Variants in FBH1 observed in about 807,000 individuals in gnomAD.
FBH1 encodes F-box DNA helicase 1, also known as DNA 3'-5' helicase 1.
FBH1 carries 43 observed loss-of-function variants against 115.5 expected under a neutral mutation model. The ratio of observed to expected loss-of-function variants is 0.37; its 90% CI spans 0.29 to 0.48. FBH1 has a LOEUF of 0.48. Among genes scored for constraint, FBH1 ranks in the 20% least tolerant of loss-of-function variants. The pLI is 0.99. For missense variants in FBH1, 1,001 were observed against 1,337.3 expected, an observed-to-expected ratio of 0.75 and a Z score of 3.92; for synonymous variants, 524 against 507.8, an observed-to-expected ratio of 1.03 and a Z score of -0.43.
chr10:5,908,278 GTA>G (rs1287732438), intron 3 of FBH1, among the ~76,000 whole-genome samples: 1 of 152,130 alleles, frequency 6.6e-6, no homozygotes, highest in Non-Finnish European at 1.5e-5. Context: ...TCTTATAACA[GTA>G]TTTAACAGAC....
intron 19 of FBH1, among the ~76,000 whole-genome samples, chr10:5,930,358 T>C (rs1165481122): frequency 2.0e-5 from 3 of 152,242 alleles, no homozygotes; most frequent in South Asian, 4.1e-4. Context: ...ACTCCCTCCC[T>C]GCTTTTCCCA....
At chr10:5,902,168 C>G (rs1231948419) in intron 1 of FBH1, among the ~76,000 whole-genome samples, 1 of 152,008 alleles carries the variant, frequency 6.6e-6, no homozygotes, top group African/African-American at 2.4e-5. Flanking sequence ...TCGCTCCTGT[C>G]CTTTCAAGTC....
intron 1 of FBH1, among the ~76,000 whole-genome samples, chr10:5,896,661 A>C (rs2131840699): frequency 6.6e-6 from 1 of 152,238 alleles, no homozygotes; most frequent in African/African-American, 2.4e-5. Flanking sequence ...CAATTTCAAC[A>C]ACTCTGGGGG....
chr10:5,915,522 G>A lies in FBH1; in HGVS notation c.1516G>A (p.Val506Ile), dbSNP rs1391716724. The A allele has an allele frequency of 1.2e-6, 2 of 1,614,214 alleles. No individual in the cohort carries two copies. Among genetic ancestry groups the A allele is most frequent in the Non-Finnish European group, 1.7e-6 (2 of 1,180,032 alleles). Reference protein sequence around the residue: ...KQAERVFPSNVICKTFHSMAY... With the variant: ...KQAERVFPSNIICKTFHSMAY... ...GGCCGAACGCGTCTTCCCCAGCAAC[G>A]TCATCTGCAAAACCTTCCACTCCAT... The change falls in exon 9 of 21, where the codon GTC (valine) becomes ATC (isoleucine). Residue 506 changes from valine (V) to isoleucine (I), a missense_variant. Val to Ile is a conservative substitution (Grantham distance 29). Transcript: ENST00000362091. The surrounding 1 kb of genome is among the most constrained non-coding windows in gnomAD (Gnocchi z 5.2).
chr10:5,908,485 C>T (rs1041782244), intron 3 of FBH1, among the ~76,000 whole-genome samples: 1 of 152,172 alleles, frequency 6.6e-6, no homozygotes, highest in African/African-American at 2.4e-5. Context: ...TCCTAGTTTC[C>T]AACAAAAATT....
intron 1 of FBH1, among the ~76,000 whole-genome samples, chr10:5,893,596 C>A (rs1842854697): frequency 6.6e-6 from 1 of 152,230 alleles, no homozygotes; most frequent in Non-Finnish European, 1.5e-5. Flanking sequence ...ATGATTCTTT[C>A]AAGACTCAAC....
rs1831902230 is a variant in FBH1 at position 5,915,961 on chromosome 10, G to A, written c.1566-273G>A. The A allele has an allele frequency of 2.0e-6, 1 of 500,808 alleles. No individual in the cohort carries two copies. Among genetic ancestry groups the A allele is most frequent in the African/African-American group, 1.9e-5 (1 of 52,056 alleles). The allele number at this position is 500,808 out of a possible 1,614,324, so 31.0% of individuals were successfully genotyped here. A position where few individuals can be genotyped will look rare whatever the true frequency, so the allele number is the denominator to read the frequency against. On this transcript the variant is annotated intron_variant, in intron 9 of 20. Transcript: ENST00000362091. This position sits in a 1 kb window ranked among gnomAD's most constrained non-coding sequence, Gnocchi z 5.2. ...GTAGAGGCATCAGGGAACTCCAAGG[G>A]TCCCTCCGGGGACCTTCTGGAGCCC... is the stretch of plus-strand genomic sequence containing the variant.
chr10:5,891,646 G>A (rs1269454477), intron 1 of FBH1, among the ~76,000 whole-genome samples: 1 of 152,232 alleles, frequency 6.6e-6, no homozygotes, highest in South Asian at 2.1e-4. Context: ...GTCTCGCTCT[G>A]TTGCTCCGGG....
In FBH1 at chr10:5,909,178, T is replaced by G. The variant is rs771828870; in HGVS notation, c.904T>G (p.Cys302Gly). Reference protein sequence around the residue: ...NLIRYTATTKCSPSVDPERVL... With the variant: ...NLIRYTATTKGSPSVDPERVL... Reference sequence around the variant, plus strand: ...TTACAGATACACAGCCACCACTAAGTGCTCTCCGAGTGTGGATCCCGAGAG... The same window carrying G: ...TTACAGATACACAGCCACCACTAAGGGCTCTCCGAGTGTGGATCCCGAGAG... Residue 302 changes from cysteine (C) to glycine (G), a missense_variant, in exon 5 of 21, where the codon TGC becomes GGC. Cys to Gly is a radical substitution (Grantham distance 159). Around this residue, in one of 4 missense-constraint regions of FBH1, gnomAD observed 420 missense variants for 430.4 expected, o/e 0.98. Coordinates refer to ENST00000362091, the MANE Select transcript of FBH1 (RefSeq NM_178150.3). The surrounding 1 kb of genome is among the most constrained non-coding windows in gnomAD (Gnocchi z 4.4). The G allele has an allele frequency of 6.2e-7, 1 of 1,613,638 alleles. No homozygotes were observed. The highest frequency in any genetic ancestry group is 8.5e-7 in the Non-Finnish European group (1 of 1,180,028).
In FBH1 at chr10:5,895,112, G is replaced by A. The variant is rs1842937590; in HGVS notation, c.1+4766G>A. 1 of 1,614,034 alleles carries A rather than the reference G, an allele frequency of 6.2e-7. No homozygotes were observed. Among genetic ancestry groups the A allele is most frequent in the Non-Finnish European group, 8.5e-7 (1 of 1,179,966 alleles). On this transcript the variant is annotated intron_variant, in intron 1 of 20. Coordinates refer to ENST00000362091, the MANE Select transcript of FBH1 (RefSeq NM_178150.3). The surrounding 1 kb of genome is among the most constrained non-coding windows in gnomAD (Gnocchi z 5.0). The stretch of plus-strand genomic sequence containing the variant: ...ATGTGATAATGGGCTACATTGCGCA[G>A]GGCCCCTGGGCCATCTCCACAGGAG...
chr10:5,925,485 CAG>C lies in FBH1; in HGVS notation c.2718_2719del (p.Arg906SerfsTer2). 3.1e-6 allele frequency: 5 copies of C among 1,613,944 alleles called. No individual in the cohort carries two copies. Among genetic ancestry groups the C allele is most frequent in the Non-Finnish European group, 4.2e-6 (5 of 1,180,034 alleles). ...ATAACCTGCCCCAGCTTCCGCACTT[CAG>C]AGTTGGTAAGAGGCCGCCGGGTAGT... ...RHNLPQLPHF[R>X]VESFSEDEWN... On this transcript the variant is annotated frameshift_variant, in exon 18 of 21. Coordinates refer to ENST00000362091, the MANE Select transcript of FBH1 (RefSeq NM_178150.3). LOFTEE classifies it high-confidence loss of function. This position sits in a 1 kb window ranked among gnomAD's most constrained non-coding sequence, Gnocchi z 4.6.
At position 5,923,565 on chromosome 10, in the gene FBH1, C is replaced by T; in HGVS notation, c.2323-56C>T. ...TTTGTTTTGTTAAAGCAACAACAAA[C>T]AAAACAAAACAAAAAACAACAAAAA... On this transcript the variant is annotated intron_variant, in intron 15 of 20. Transcript: ENST00000362091. The surrounding 1 kb of genome is among the most constrained non-coding windows in gnomAD (Gnocchi z 5.7). 3 of 1,452,328 alleles carry T rather than the reference C, an allele frequency of 2.1e-6. No homozygotes were observed. Among genetic ancestry groups the T allele is most frequent in the Non-Finnish European group, 2.9e-6 (3 of 1,044,728 alleles). 90.0% of individuals were successfully genotyped at this position (1,452,328 alleles called of 1,614,324 possible). A position where few individuals can be genotyped will look rare whatever the true frequency, so the allele number is the denominator to read the frequency against.
Position 5,915,051 on chromosome 10 carries a change from C to A in FBH1, c.1397-352C>A, listed in dbSNP as rs189357932. On this transcript the variant is annotated intron_variant, in intron 8 of 20. Coordinates refer to ENST00000362091, the MANE Select transcript of FBH1 (RefSeq NM_178150.3). This position sits in a 1 kb window ranked among gnomAD's most constrained non-coding sequence, Gnocchi z 5.2. ...TCTCTCTCCAGAGACATGCCTTCCC[C>A]CTCCCTAACCCTACCCTCCTATCCT... Among the ~76,000 whole-genome samples, 2 of 152,258 alleles carry A rather than the reference C, an allele frequency of 1.3e-5. No homozygotes were observed. Among genetic ancestry groups the A allele is most frequent in the African/African-American group, 4.8e-5 (2 of 41,548 alleles).
At position 5,918,582 on chromosome 10, in the gene FBH1, C is replaced by G; in HGVS notation, c.2100+104C>G. The G allele has an allele frequency of 7.3e-7, 1 of 1,362,270 alleles. No individual in the cohort carries two copies. The highest frequency in any genetic ancestry group is 1.7e-5 in the South Asian group (1 of 59,626). The allele number at this position is 1,362,270 out of a possible 1,614,324, so 84.4% of individuals were successfully genotyped here. ...GCCAGGCTCACCAGATCTAGCAAATCCTTGCTTCTAAGCCATGGTTCTCAA... is the reference window on the plus strand; with the variant it reads ...GCCAGGCTCACCAGATCTAGCAAATGCTTGCTTCTAAGCCATGGTTCTCAA... On this transcript the variant is annotated intron_variant, in intron 13 of 20. Transcript: ENST00000362091. The surrounding 1 kb of genome is among the most constrained non-coding windows in gnomAD (Gnocchi z 4.0).
At chr10:5,891,041 A>G (rs1842689082) in intron 1 of FBH1, 5 of 481,508 alleles carry the variant, frequency 1.0e-5, no homozygotes, top group South Asian at 8.9e-5. Context: ...AGACAACCCT[A>G]TGAGGCATCA....
In FBH1 at chr10:5,917,570, T is replaced by C; in HGVS notation, c.1877-20T>C. ...ACTGCCTTCCTGGCGTTACAACTCC[T>C]GCGTCTCTCCTTATTTTAGGCTACT... On this transcript the variant is annotated intron_variant, in intron 11 of 20. Coordinates refer to ENST00000362091, the MANE Select transcript of FBH1 (RefSeq NM_178150.3). The surrounding 1 kb of genome is among the most constrained non-coding windows in gnomAD (Gnocchi z 5.6). The C allele has an allele frequency of 6.2e-7, 1 of 1,613,974 alleles. No homozygotes were observed.
chr10:5,890,931 A>C (rs1276154256), intron 1 of FBH1: 1 of 152,694 alleles, frequency 6.5e-6, no homozygotes, highest in Non-Finnish European at 1.5e-5. Context: ...TAACCTCTCC[A>C]TGTTTTCGAT....
rs1377055187 is a variant in FBH1 at position 5,923,815 on chromosome 10, GTTGCTGTC to G, written c.2398+122_2398+129del. 1.1e-6 allele frequency: 1 copy of G among 909,630 alleles called. No individual in the cohort carries two copies. The highest frequency in any genetic ancestry group is 1.7e-6 in the Non-Finnish European group (1 of 587,726). The allele number at this position is 909,630 out of a possible 1,614,324, so 56.3% of individuals were successfully genotyped here. On this transcript the variant is annotated intron_variant, in intron 16 of 20. Coordinates refer to ENST00000362091, the MANE Select transcript of FBH1 (RefSeq NM_178150.3). This position sits in a 1 kb window ranked among gnomAD's most constrained non-coding sequence, Gnocchi z 5.7. ...TCCCTCCAGAGAAGGGCGAGCTAGT[GTTGCTGTC>G]TTCCCATGACGAGGGGGGTGCCTCG...
intron 1 of FBH1, among the ~76,000 whole-genome samples, chr10:5,898,657 AC>A (rs1358186847): frequency 6.6e-6 from 1 of 151,978 alleles, no homozygotes; most frequent in Non-Finnish European, 1.5e-5. Context: ...TGATCCACCC[AC>A]CTTGGCCTCT....
Sources: gnomAD v4.1 joint callset for allele counts (sites outside exome capture counted in the v4.1 genomes callset) on GRCh38, gnomAD v4.1.1 for gene constraint, gnomAD v4.1.1 regional missense constraint, Gnocchi (gnomAD v3.1) non-coding constraint, MANE v1.5 for transcripts, NCBI Gene and HGNC (gene_info 2026-07-23, HGNC 2026-07-21) for gene names.